The following ATP10B variants were observed in gnomAD, a reference collection of about 807,000 sequenced individuals.
ATP10B encodes the protein phospholipid-transporting ATPase VB.
A neutral mutation model predicts 141.2 loss-of-function variants in ATP10B; 122 were observed. That is an observed-to-expected ratio of 0.86 (90% CI 0.75 to 1.00). ATP10B has a LOEUF of 1.00. ATP10B is among the 50% of genes least tolerant of loss of function. The pLI is 0.00. For synonymous variants in ATP10B, 685 were observed against 692.0 expected (o/e 0.99, Z 0.16); for missense variants, 1,876 against 1,825.3 (o/e 1.03, Z -0.51).
chr5:160,602,811 A>C, intron 20 of ATP10B, 109 bp from the exon 21 acceptor site: 2 of 1,477,760 alleles, frequency 1.4e-6, no homozygotes, highest in South Asian at 2.5e-5. Context: ...GCAGAGTCCT[A>C]AAGACCCCTT....
At chr5:160,649,284 ATT>A in intron 7 of ATP10B, 28 bp from the exon 8 acceptor site, 1 of 1,538,474 alleles carries the variant, frequency 6.5e-7, no homozygotes, top group Non-Finnish European at 9.0e-7. Flanking sequence ...CTGTGAGTTT[ATT>A]AATTCAGAGG....
At chr5:160,635,531 G>A (rs1759302132) in intron 11 of ATP10B, among the ~76,000 whole-genome samples, 1 of 152,156 alleles carries the variant, frequency 6.6e-6, no homozygotes, top group African/African-American at 2.4e-5. Flanking sequence ...CAAGATGAAT[G>A]GAAAATAATC....
the ATP10B span, among the ~76,000 whole-genome samples, chr5:160,909,361 C>CTG: frequency 2.9e-4 from 44 of 152,294 alleles, no homozygotes; most frequent in African/African-American, 9.4e-4. Flanking sequence ...TACACAGATA[C>CTG]TGTGGCTAGA....
At chr5:160,567,748 G>A (rs901790719) in intron 25 of ATP10B, among the ~76,000 whole-genome samples, 3 of 152,088 alleles carry the variant, frequency 2.0e-5, no homozygotes, top group East Asian at 1.9e-4. Context: ...GGAATTGGGG[G>A]CCAGGTTTAT....
the ATP10B span, among the ~76,000 whole-genome samples, chr5:160,864,811 T>A: frequency 6.6e-6 from 1 of 151,890 alleles, no homozygotes; most frequent in Non-Finnish European, 1.5e-5. Context: ...ACTCAATCCC[T>A]TTTACAACAG....
chr5:160,585,185 T>C (rs562739728), intron 24 of ATP10B, among the ~76,000 whole-genome samples: 1 of 152,352 alleles, frequency 6.6e-6, no homozygotes, highest in South Asian at 2.1e-4. Context: ...TGTGTATCAT[T>C]CTGGATAAGC....
intron 3 of ATP10B, among the ~76,000 whole-genome samples, chr5:160,699,089 G>A (rs970295778): frequency 8.5e-5 from 13 of 152,138 alleles, no homozygotes; most frequent in African/African-American, 3.1e-4. Context: ...TTGAAAACTC[G>A]AACTACCTTT....
intron 25 of ATP10B, among the ~76,000 whole-genome samples, chr5:160,567,616 G>A (rs1561609403): frequency 6.6e-6 from 1 of 152,168 alleles, no homozygotes; most frequent in Non-Finnish European, 1.5e-5. Flanking sequence ...ACTGCAGGAT[G>A]CATAGGAGGT....
At chr5:160,707,571 T>A (rs1380682606) in intron 3 of ATP10B, among the ~76,000 whole-genome samples, 1 of 152,252 alleles carries the variant, frequency 6.6e-6, no homozygotes, top group African/African-American at 2.4e-5. Flanking sequence ...AATATGCGCA[T>A]GTTATGTTCT....
At chr5:160,599,140 TTAC>T (rs762916325) in intron 21 of ATP10B, among the ~76,000 whole-genome samples, 170 bp from the exon 22 acceptor site, 4 of 152,270 alleles carry the variant, frequency 2.6e-5, no homozygotes, top group Admixed American at 6.5e-5. Flanking sequence ...GCTACCACTG[TTAC>T]TACTACTACT....
the ATP10B span, among the ~76,000 whole-genome samples, chr5:160,858,791 A>G: frequency 1.3e-5 from 2 of 151,884 alleles, no homozygotes; most frequent in Non-Finnish European, 2.9e-5. Context: ...TACACAACTT[A>G]TTACAATCTA....
chr5:160,671,857 C>T lies in ATP10B; in HGVS notation c.471-1190G>A, dbSNP rs533838526. Among the ~76,000 whole-genome samples the T allele has an allele frequency of 2.0e-5, 3 of 152,174 alleles. No homozygotes were observed. The East Asian group carries it at 5.8e-4, about 29-fold the overall frequency. ...ACAGAGCTGGAACCTGAACCTGGGTCCAGCCCGACACCAAAACCCACAGTT... is the reference window on the plus strand; with the variant it reads ...ACAGAGCTGGAACCTGAACCTGGGTTCAGCCCGACACCAAAACCCACAGTT... On this transcript the variant is annotated intron_variant, in intron 6 of 25. Transcript: ENST00000327245.
intron 7 of ATP10B, among the ~76,000 whole-genome samples, chr5:160,651,826 T>C (rs1347450969): frequency 6.6e-6 from 1 of 152,128 alleles, no homozygotes; most frequent in Admixed American, 6.6e-5. Flanking sequence ...CTCCAGGTAT[T>C]GATTCTTTCA....
chr5:160,592,109 T>G (rs1277728080), intron 22 of ATP10B, among the ~76,000 whole-genome samples: 2 of 152,156 alleles, frequency 1.3e-5, no homozygotes, highest in Non-Finnish European at 2.9e-5. Flanking sequence ...GTGGCCTCTC[T>G]GGGCCTCCTA....
chr5:160,897,153 C>A, the ATP10B span, among the ~76,000 whole-genome samples: 1 of 152,178 alleles, frequency 6.6e-6, no homozygotes, highest in African/African-American at 2.4e-5. Flanking sequence ...TGCCCTTTCT[C>A]ACCACTCCTA....
intron 13 of ATP10B, among the ~76,000 whole-genome samples, chr5:160,625,437 C>A (rs1758561261): frequency 6.6e-6 from 1 of 152,034 alleles, no homozygotes; most frequent in Non-Finnish European, 1.5e-5. Context: ...GGGGAGGGTA[C>A]ATAAATGAGA....
At chr5:160,832,637 G>A (rs1209010503) in intron 1 of ATP10B, among the ~76,000 whole-genome samples, 2 of 152,042 alleles carry the variant, frequency 1.3e-5, no homozygotes, top group African/African-American at 4.8e-5. Flanking sequence ...CTGCTCTTAA[G>A]ATACATTTGC....
intron 2 of ATP10B, among the ~76,000 whole-genome samples, chr5:160,748,268 T>A (rs999804890): frequency 1.3e-5 from 2 of 152,326 alleles, no homozygotes; most frequent in Admixed American, 1.3e-4. Flanking sequence ...ACAGGCTTCT[T>A]AACATTCAGC....
At chr5:160,778,766 A>G (rs1299295483) in intron 2 of ATP10B, among the ~76,000 whole-genome samples, 1 of 152,224 alleles carries the variant, frequency 6.6e-6, no homozygotes, top group Non-Finnish European at 1.5e-5. Context: ...TACGTTGTCA[A>G]AATATTTAGG....
Sources: allele counts gnomAD v4.1 joint callset (sites outside exome capture counted in the v4.1 genomes callset), GRCh38; gene constraint gnomAD v4.1.1; transcripts MANE v1.5; gene names NCBI Gene and HGNC (gene_info 2026-07-23, HGNC 2026-07-21).